The following FRMPD4 variants were observed in gnomAD, a reference collection of about 807,000 sequenced individuals.
The protein encoded by FRMPD4 is FERM and PDZ domain containing 4.
Under a neutral mutation model 94.1 loss-of-function variants are expected in FRMPD4, and 22 were observed. The ratio of observed to expected loss-of-function variants is 0.23; its 90% CI spans 0.17 to 0.33. FRMPD4 has a LOEUF of 0.33. Ranked by LOEUF, FRMPD4 falls within the 10% of genes least tolerant of loss-of-function variation. The pLI is 1.00. For missense variants in FRMPD4, 1,111 were observed against 1,339.9 expected (o/e 0.83, Z 2.67); for synonymous variants, 631 against 548.6 (o/e 1.15, Z -2.10).
intron 3 of FRMPD4, among the ~76,000 whole-genome samples, chrX:12,020,463 G>C (rs932587773): frequency 9.0e-6 from 1 of 111,589 alleles, no homozygotes; most frequent in Non-Finnish European, 1.9e-5. Context: ...TCATCACCTG[G>C]CTTCCAGGAC....
At chrX:11,825,154 G>C (rs1270261299) in intron 1 of FRMPD4, among the ~76,000 whole-genome samples, 1 of 105,628 alleles carries the variant, frequency 9.5e-6, no homozygotes, top group Non-Finnish European at 1.9e-5. Context: ...TGAGAGATGT[G>C]GTTTTTGGCA....
At chrX:12,250,871 C>T (rs1318443891) in intron 1 of FRMPD4, among the ~76,000 whole-genome samples, 1 of 110,969 alleles carries the variant, frequency 9.0e-6, no homozygotes, top group Non-Finnish European at 1.9e-5. Context: ...TCCAGTTGGC[C>T]GTTGCTGGGA....
chrX:12,243,555 C>T (rs771773524), intron 1 of FRMPD4, among the ~76,000 whole-genome samples: 28 of 110,929 alleles, frequency 2.5e-4, no homozygotes, highest in African/African-American at 8.2e-4. Context: ...AGTAAAGTTT[C>T]GGGGCATCTC....
chrX:11,922,677 G>A (rs755876202), intron 3 of FRMPD4, among the ~76,000 whole-genome samples: 155 of 112,578 alleles, frequency 1.4e-3, no homozygotes, highest in African/African-American at 4.4e-3. Context: ...GACCACCACA[G>A]CCACTTGAGG....
At chrX:12,130,965 G>C (rs1407521472) in intron 3 of FRMPD4, among the ~76,000 whole-genome samples, 1 of 112,299 alleles carries the variant, frequency 8.9e-6, no homozygotes, top group East Asian at 2.8e-4. Flanking sequence ...AGAATTCATA[G>C]TCTGAAAATT....
chrX:12,434,648 T>G (rs2057044673), intron 1 of FRMPD4, among the ~76,000 whole-genome samples: 1 of 112,318 alleles, frequency 8.9e-6, no homozygotes, highest in Non-Finnish European at 1.9e-5. Flanking sequence ...CAGACCTGGC[T>G]TCTAAAACCA....
chrX:12,118,136 C>T (rs1170229276), intron 3 of FRMPD4, among the ~76,000 whole-genome samples: 3 of 111,869 alleles, frequency 2.7e-5, no homozygotes, highest in African/African-American at 3.3e-5. Flanking sequence ...CTTAGTACTA[C>T]ATCAAAATCT....
At chrX:12,543,312 A>T (rs1602102626) in intron 2 of FRMPD4, among the ~76,000 whole-genome samples, 1 of 111,659 alleles carries the variant, frequency 9.0e-6, no homozygotes, top group Non-Finnish European at 1.9e-5. Flanking sequence ...AACCTACAGA[A>T]TGGGAGAAAA....
intron 1 of FRMPD4, among the ~76,000 whole-genome samples, chrX:11,856,884 A>G (rs937305955): frequency 8.9e-6 from 1 of 112,145 alleles, no homozygotes; most frequent in Admixed American, 9.4e-5. Context: ...TCAATGTGCA[A>G]AAATCACTAG....
chrX:12,307,966 G>A (rs187328563), intron 1 of FRMPD4, among the ~76,000 whole-genome samples: 2 of 111,554 alleles, frequency 1.8e-5, no homozygotes, highest in Non-Finnish European at 1.9e-5. Flanking sequence ...GTATGTGTTT[G>A]CGTGTAGCTA....
chrX:12,687,597 C>T (rs1230134012), intron 7 of FRMPD4, among the ~76,000 whole-genome samples: 1 of 111,723 alleles, frequency 9.0e-6, no homozygotes, highest in African/African-American at 3.3e-5. Context: ...ACCCACAGAA[C>T]TCAGCAATTT....
At chrX:11,972,230 A>G (rs143098470) in intron 3 of FRMPD4, among the ~76,000 whole-genome samples, 1 of 112,026 alleles carries the variant, frequency 8.9e-6, no homozygotes, top group African/African-American at 3.2e-5. Context: ...ATGAGTTTCA[A>G]TAAAGGACAC....
chrX:12,135,470 GGT>G (rs1337322591), upstream of FRMPD4, among the ~76,000 whole-genome samples: 1 of 107,276 alleles, frequency 9.3e-6, no homozygotes, highest in Non-Finnish European at 1.9e-5. Context: ...AAGGAGGAGG[GGT>G]GGAATCTCTT....
chrX:12,719,863 G>A (rs1458767057), intron 16 of FRMPD4, among the ~76,000 whole-genome samples: 1 of 110,506 alleles, frequency 9.0e-6, no homozygotes, highest in African/African-American at 3.3e-5. Context: ...AAAAAAAAAT[G>A]TTGAACAACT....
intron 3 of FRMPD4, among the ~76,000 whole-genome samples, chrX:12,042,719 C>A (rs140898238): frequency 4.4e-4 from 49 of 111,877 alleles, no homozygotes; most frequent in African/African-American, 1.5e-3. Context: ...GTGTGGAGAG[C>A]TTTTCTTGTA....
intron 1 of FRMPD4, among the ~76,000 whole-genome samples, chrX:12,150,579 A>G (rs967205943): frequency 9.8e-5 from 11 of 112,393 alleles, no homozygotes; most frequent in Non-Finnish European, 1.9e-4. Context: ...TAGAAGGCTA[A>G]GTGATATCAT....
intron 1 of FRMPD4, among the ~76,000 whole-genome samples, chrX:12,227,450 G>A (rs1272034566): frequency 9.0e-6 from 1 of 111,525 alleles, no homozygotes; most frequent in East Asian, 2.8e-4. Flanking sequence ...TATAAAAAAC[G>A]GTGGGCCTCT....
intron 11 of FRMPD4, among the ~76,000 whole-genome samples, chrX:12,705,640 G>C (rs993461218): frequency 6.8e-4 from 76 of 111,028 alleles, no homozygotes; most frequent in African/African-American, 2.4e-3. Flanking sequence ...TCAGCTTACA[G>C]AGATGTAGCA....
chrX:12,707,754 A>G (rs2041906255), intron 13 of FRMPD4, 103 bp downstream of exon 13: 2 of 615,107 alleles, frequency 3.3e-6, no homozygotes, highest in African/African-American at 4.4e-5. Flanking sequence ...TGTGCAGAGC[A>G]TCACAGATGC....
Sources: allele counts gnomAD v4.1 joint callset (sites outside exome capture counted in the v4.1 genomes callset), GRCh38; gene constraint gnomAD v4.1.1; transcripts MANE v1.5; gene names NCBI Gene and HGNC (gene_info 2026-07-23, HGNC 2026-07-21).